PMEPA1: variants seen among roughly 807,000 people sequenced by gnomAD.
The protein encoded by PMEPA1 is prostate transmembrane protein, androgen induced 1.
PMEPA1 carries 11 observed loss-of-function variants against 23.0 expected under a neutral mutation model. The ratio of observed to expected loss-of-function variants is 0.48; its 90% confidence interval spans 0.30 to 0.79. The LOEUF (loss-of-function observed/expected upper bound fraction) is 0.79, where lower values mean the gene tolerates loss of function less well. Among genes scored for constraint, PMEPA1 ranks in the 30% least tolerant of loss-of-function variants. The pLI is 0.06. For missense variants in PMEPA1, 377 were observed against 390.9 expected (o/e 0.96, Z 0.30); for synonymous variants, 204 against 166.4 (o/e 1.23, Z -1.74).
At chr20:57,677,015 G>A (rs542470310) in intron 1 of PMEPA1, among the ~76,000 whole-genome samples, 3 of 152,250 alleles carry the variant, frequency 2.0e-5, no homozygotes, top group African/African-American at 4.8e-5. Flanking sequence ...CTCCTTCCTC[G>A]CTCACCATGC....
intron 1 of PMEPA1, among the ~76,000 whole-genome samples, chr20:57,664,522 C>T (rs12480236): frequency 2.0e-5 from 3 of 151,524 alleles, no homozygotes; most frequent in South Asian, 4.2e-4. Context: ...AATATAAACA[C>T]GGCTCTCCAC....
intron 1 of PMEPA1, among the ~76,000 whole-genome samples, chr20:57,694,623 G>C (rs2071922492): frequency 6.6e-6 from 1 of 152,174 alleles, no homozygotes. Flanking sequence ...ATGCACCCTT[G>C]GGCAATTGAC....
intron 1 of PMEPA1, among the ~76,000 whole-genome samples, chr20:57,665,797 G>A (rs2071484080): frequency 6.6e-6 from 1 of 152,178 alleles, no homozygotes; most frequent in Admixed American, 6.5e-5. Flanking sequence ...GATGGTGGCT[G>A]GACCCAAGGC....
chr20:57,663,153 A>C (rs979720497), intron 1 of PMEPA1, among the ~76,000 whole-genome samples: 5 of 152,204 alleles, frequency 3.3e-5, no homozygotes, highest in African/African-American at 4.8e-5. Flanking sequence ...GCCCAGGAAA[A>C]TTCACATGGG....
chr20:57,709,664 C>A lies in PMEPA1; in HGVS notation c.-82G>T. 4.1e-6 allele frequency: 4 copies of A among 975,588 alleles called. No individual in the cohort carries two copies. The South Asian group carries it at 1.8e-4, about 45-fold the overall frequency. 60.4% of individuals were successfully genotyped at this position (975,588 alleles called of 1,614,324 possible). The stretch of plus-strand genomic sequence containing the variant: ...CTCCGGCCGGCGCCCGGAGCTGGGG[C>A]CCCGCATGCAGGAGGCGCGCGGCGG... On this transcript the variant is annotated 5_prime_UTR_variant, in exon 1 of 4. Coordinates refer to ENST00000341744, the MANE Select transcript of PMEPA1 (RefSeq NM_020182.5).
rs550491542 is a variant in PMEPA1, at chr20:57,688,985, G to A, written c.109+20489C>T. On this transcript the variant is annotated intron_variant, in intron 1 of 3. Transcript: ENST00000341744. ...GGCTGAGCGCTGCCTCTGGGCCTTC[G>A]ATCCCCGCTGGCAGCCCGCCCCAGA... 1.4e-4 allele frequency among the ~76,000 whole-genome samples: 21 copies of A among 152,340 alleles called. No individual in the cohort carries two copies. In the South Asian group the frequency reaches 2.5e-3, roughly 18 times the overall value.
At chr20:57,690,402 G>A (rs1024391741) in intron 1 of PMEPA1, 5 of 1,297,442 alleles carry the variant, frequency 3.9e-6, no homozygotes, top group Non-Finnish European at 5.1e-6. Context: ...ACCTCCATGT[G>A]CTGGAATTGC....
At chr20:57,665,948 C>T (rs982027423) in intron 1 of PMEPA1, among the ~76,000 whole-genome samples, 9 of 152,224 alleles carry the variant, frequency 5.9e-5, no homozygotes, top group Non-Finnish European at 8.8e-5. Flanking sequence ...CAACACAAGC[C>T]GCTGGGAAGG....
At chr20:57,662,355 C>T (rs761086191) in intron 1 of PMEPA1, among the ~76,000 whole-genome samples, 1 of 152,188 alleles carries the variant, frequency 6.6e-6, no homozygotes, top group Non-Finnish European at 1.5e-5. Flanking sequence ...TGAGGAGACA[C>T]GGGCTCAGAG....
Position 57,687,412 on chromosome 20 carries a change from A to G in PMEPA1, c.109+22062T>C, listed in dbSNP as rs371121844. Among the ~76,000 whole-genome samples the G allele has an allele frequency of 9.2e-5, 14 of 152,316 alleles. No homozygotes were observed. In the East Asian group the frequency reaches 2.7e-3, roughly 29 times the overall value. ...TTGCCCAGAGCAACCCAACCAGGTC[A>G]GGAAAGAACCCAGGTGCTTTTTGCA... On this transcript the variant is annotated intron_variant, in intron 1 of 3. Coordinates refer to ENST00000341744, the MANE Select transcript of PMEPA1 (RefSeq NM_020182.5).
At chr20:57,693,004 C>G (rs976068225) in intron 1 of PMEPA1, among the ~76,000 whole-genome samples, 17 of 152,224 alleles carry the variant, frequency 1.1e-4, no homozygotes, top group Non-Finnish European at 1.5e-4. Context: ...AGAATCAGGG[C>G]ATAAGGAAAC....
intron 1 of PMEPA1, among the ~76,000 whole-genome samples, chr20:57,688,268 G>A (rs1020793611): frequency 6.6e-6 from 1 of 152,152 alleles, no homozygotes; most frequent in Non-Finnish European, 1.5e-5. Context: ...GTTGGAGAGG[G>A]GGGTGTCTGG....
intron 2 of PMEPA1, among the ~76,000 whole-genome samples, chr20:57,658,574 C>A (rs532420403): frequency 5.0e-4 from 76 of 152,158 alleles, no homozygotes; most frequent in Non-Finnish European, 7.5e-4. Context: ...ATGACCAGAC[C>A]CGTGCTCTGT....
Position 57,655,509 on chromosome 20 carries a change from G to C in PMEPA1, c.265-2423C>G, listed in dbSNP as rs1429998123. ...AAGTGCGGAAGTTGCTGGGTGACCC[G>C]TGCAAGTCATCTTTGTGGAATTAGG... On this transcript the variant is annotated intron_variant, in intron 2 of 3. Transcript: ENST00000341744. This position sits in a 1 kb window ranked among gnomAD's most constrained non-coding sequence, Gnocchi z 4.2. 6.6e-6 allele frequency among the ~76,000 whole-genome samples: 1 copy of C among 152,218 alleles called. No individual in the cohort carries two copies. The highest frequency in any genetic ancestry group is 1.9e-4 in the East Asian group (1 of 5,206).
At chr20:57,695,667 C>A (rs2146703463) in intron 1 of PMEPA1, among the ~76,000 whole-genome samples, 1 of 152,322 alleles carries the variant, frequency 6.6e-6, no homozygotes, top group East Asian at 1.9e-4. Context: ...CTGGGCCTGG[C>A]CTAGCAGTAC....
upstream of PMEPA1, chr20:57,710,720 C>A (rs572003794): frequency 2.0e-5 from 9 of 457,756 alleles, no homozygotes; most frequent in African/African-American, 1.6e-4. Context: ...GGCTGGGGGG[C>A]GCGGCTGCGG....
rs571099172 is a variant in PMEPA1 at position 57,699,623 on chromosome 20, C to A, written c.109+9851G>T. ...TCTCTCGGGATTTGGTCTAGATGAGCAGAGGGGTAACTAGGCAACTGAGAC... is the reference window on the plus strand; with the variant it reads ...TCTCTCGGGATTTGGTCTAGATGAGAAGAGGGGTAACTAGGCAACTGAGAC... On this transcript the variant is annotated intron_variant, in intron 1 of 3. Coordinates refer to ENST00000341744, the MANE Select transcript of PMEPA1 (RefSeq NM_020182.5). Among the ~76,000 whole-genome samples the A allele has an allele frequency of 3.3e-5, 5 of 152,352 alleles. No individual in the cohort carries two copies. The East Asian group carries it at 9.7e-4, about 29-fold the overall frequency.
chr20:57,669,108 C>T (rs894114853), intron 1 of PMEPA1, among the ~76,000 whole-genome samples: 9 of 152,172 alleles, frequency 5.9e-5, no homozygotes, highest in African/African-American at 2.2e-4. Flanking sequence ...TTCCCCAAGG[C>T]AGGCACGTAA....
Position 57,709,680 on chromosome 20 carries a change from C to T in PMEPA1, c.-98G>A. 2.1e-6 allele frequency: 2 copies of T among 975,320 alleles called. No individual in the cohort carries two copies. Among genetic ancestry groups the T allele is most frequent in the Non-Finnish European group, 2.4e-6 (2 of 824,774 alleles). The allele number at this position is 975,320 out of a possible 1,614,324, so 60.4% of individuals were successfully genotyped here. On this transcript the variant is annotated 5_prime_UTR_variant, in exon 1 of 4. Transcript: ENST00000341744. ...GAGCTGGGGCCCCGCATGCAGGAGGCGCGCGGCGGGGGAGGCGCGCCCCGG... is the reference window on the plus strand; with the variant it reads ...GAGCTGGGGCCCCGCATGCAGGAGGTGCGCGGCGGGGGAGGCGCGCCCCGG...
Sources: allele counts gnomAD v4.1 joint callset (sites outside exome capture counted in the v4.1 genomes callset), GRCh38; gene constraint gnomAD v4.1.1; non-coding constraint Gnocchi (gnomAD v3.1); transcripts MANE v1.5; gene names NCBI Gene and HGNC (gene_info 2026-07-23, HGNC 2026-07-21).